LASP1: variants seen among roughly 807,000 people sequenced by gnomAD.
LASP1 encodes the protein LIM and SH3 domain protein 1.
A neutral mutation model predicts 38.6 loss-of-function variants in LASP1; 10 were observed. The observed-to-expected ratio is 0.26, with a 90% CI of 0.16 to 0.44. The LOEUF (loss-of-function observed/expected upper bound fraction) is 0.44. LASP1 is among the 20% of genes least tolerant of loss of function. The pLI is 1.00. For synonymous variants in LASP1, 132 were observed against 140.8 expected (o/e 0.94, Z 0.44); for missense variants, 243 against 375.7 (o/e 0.65, Z 2.92).
chr17:38,885,309 G>A (rs1914086396), intron 2 of LASP1, among the ~76,000 whole-genome samples: 3 of 152,190 alleles, frequency 2.0e-5, no homozygotes, highest in Admixed American at 6.5e-5. Context: ...AAGCTGTGTG[G>A]TGGGTTTTGA....
At chr17:38,882,837 T>A (rs1220181780) in intron 2 of LASP1, among the ~76,000 whole-genome samples, 1 of 152,082 alleles carries the variant, frequency 6.6e-6, no homozygotes, top group Non-Finnish European at 1.5e-5. Flanking sequence ...GGGCATGGGC[T>A]GGGGAAGGAA....
intron 1 of LASP1, among the ~76,000 whole-genome samples, chr17:38,873,235 A>G (rs1408703141): frequency 6.6e-6 from 1 of 151,400 alleles, no homozygotes; most frequent in African/African-American, 2.4e-5. Flanking sequence ...CTCCCTCCCC[A>G]CTCGAGGGGG....
intron 4 of LASP1, among the ~76,000 whole-genome samples, chr17:38,909,497 C>T (rs1361299246): frequency 1.3e-5 from 2 of 152,014 alleles, no homozygotes; most frequent in Non-Finnish European, 2.9e-5. Context: ...ATCCCAGCTA[C>T]TCAGGAGGCT....
At chr17:38,900,957 CG>C (rs1567701328) in intron 4 of LASP1, among the ~76,000 whole-genome samples, 1 of 152,200 alleles carries the variant, frequency 6.6e-6, no homozygotes, top group Non-Finnish European at 1.5e-5. Flanking sequence ...TCAGAGCTCT[CG>C]GCTTGGAAAG....
At chr17:38,890,918 AC>A (rs1178898310) in intron 3 of LASP1, among the ~76,000 whole-genome samples, 2 of 152,000 alleles carry the variant, frequency 1.3e-5, no homozygotes, top group Admixed American at 1.3e-4. Flanking sequence ...CCAAACCTCC[AC>A]CCACTGAAGG....
chr17:38,913,509 A>C (rs1435277410), intron 4 of LASP1, among the ~76,000 whole-genome samples: 3 of 152,116 alleles, frequency 2.0e-5, no homozygotes, highest in Admixed American at 1.3e-4. Context: ...TCACTTATCA[A>C]TCCCTTCGCT....
chr17:38,899,534 A>G (rs1328121254), intron 4 of LASP1, among the ~76,000 whole-genome samples: 1 of 152,188 alleles, frequency 6.6e-6, no homozygotes. Context: ...AGTGGGCTGC[A>G]GTGGTGGGTC....
At chr17:38,894,380 A>G (rs897020573) in intron 3 of LASP1, among the ~76,000 whole-genome samples, 1 of 152,160 alleles carries the variant, frequency 6.6e-6, no homozygotes, top group African/African-American at 2.4e-5. Context: ...CACGGGTGGT[A>G]GAGTATCACT....
intron 1 of LASP1, among the ~76,000 whole-genome samples, chr17:38,877,578 TG>T (rs1426275958): frequency 6.6e-6 from 1 of 152,162 alleles, no homozygotes; most frequent in Non-Finnish European, 1.5e-5. Flanking sequence ...GTGGGTGTGC[TG>T]GGCCCTGGTA....
At chr17:38,904,724 T>C (rs1914731167) in intron 4 of LASP1, 3 of 152,292 alleles carry the variant, frequency 2.0e-5, no homozygotes, top group Non-Finnish European at 2.9e-5. Flanking sequence ...TTTGAAGATA[T>C]CTTTGCTGCA....
At chr17:38,910,802 G>C (rs569069779) in intron 4 of LASP1, among the ~76,000 whole-genome samples, 1 of 147,406 alleles carries the variant, frequency 6.8e-6, no homozygotes, top group Non-Finnish European at 1.5e-5. Context: ...GGCTCACTGC[G>C]ACCTCCGCCT....
chr17:38,870,587 A>G (rs1913570978), intron 1 of LASP1, among the ~76,000 whole-genome samples: 1 of 151,492 alleles, frequency 6.6e-6, no homozygotes, highest in Non-Finnish European at 1.5e-5. Context: ...CCCGCCCCCT[A>G]CGGCCTGGAG....
chr17:38,892,782 C>T (rs1262265552), intron 3 of LASP1, among the ~76,000 whole-genome samples: 4 of 152,328 alleles, frequency 2.6e-5, no homozygotes, highest in South Asian at 4.1e-4. Flanking sequence ...CTGCTTCTGC[C>T]CCCCACAGGG....
intron 2 of LASP1, among the ~76,000 whole-genome samples, chr17:38,881,515 CTCG>C (rs67622647): frequency 0.037 from 5,617 of 152,256 alleles, 354 homozygotes; most frequent in African/African-American, 0.13. Flanking sequence ...GCCCAGCCTC[CTCG>C]TGTTTTCTTC....
At chr17:38,917,303 G>C (rs1250364034) in intron 6 of LASP1, among the ~76,000 whole-genome samples, 1 of 152,194 alleles carries the variant, frequency 6.6e-6, no homozygotes, top group African/African-American at 2.4e-5. Flanking sequence ...TAGACCTGTT[G>C]GTTTCAAACT....
At chr17:38,888,119 C>G (rs939914921) in intron 2 of LASP1, among the ~76,000 whole-genome samples, 7 of 152,026 alleles carry the variant, frequency 4.6e-5, no homozygotes, top group Admixed American at 2.0e-4. Flanking sequence ...TAATTGGGGC[C>G]CATGCAGACC....
intron 4 of LASP1, among the ~76,000 whole-genome samples, chr17:38,905,675 T>G (rs1914759969): frequency 1.3e-5 from 2 of 152,184 alleles, no homozygotes; most frequent in African/African-American, 2.4e-5. Context: ...CACTTTAGCA[T>G]TTTGATCGTG....
chr17:38,911,055 G>A (rs78116646), intron 4 of LASP1, among the ~76,000 whole-genome samples: 1 of 152,100 alleles, frequency 6.6e-6, no homozygotes. Context: ...AAAGCTCAAG[G>A]GTCTCCAGGA....
chr17:38,870,746 C>G (rs1913580901), intron 1 of LASP1, among the ~76,000 whole-genome samples: 1 of 151,958 alleles, frequency 6.6e-6, no homozygotes, highest in African/African-American at 2.4e-5. Context: ...GCCTGGCTTC[C>G]TGGCCTGGCG....
Sources: gnomAD v4.1 joint callset for allele counts (sites outside exome capture counted in the v4.1 genomes callset) on GRCh38, gnomAD v4.1.1 for gene constraint, MANE v1.5 for transcripts, NCBI Gene and HGNC (gene_info 2026-07-23, HGNC 2026-07-21) for gene names.